The following CEP83 variants were observed in gnomAD, a reference collection of about 807,000 sequenced individuals.
The protein encoded by CEP83 is centrosomal protein of 83 kDa.
In CEP83, 70 loss-of-function variants were observed where a neutral mutation model predicts 101.9. That is an observed-to-expected ratio of 0.69 (90% confidence interval 0.57 to 0.84). The LOEUF is 0.84. Ranked by LOEUF, CEP83 falls within the 40% of genes least tolerant of loss-of-function variation. The pLI is 0.00. For missense variants in CEP83, 715 were observed against 787.2 expected (o/e 0.91, Z 1.10); for synonymous variants, 264 against 267.9 (o/e 0.99, Z 0.14).
At chr12:94,277,693 C>T in the CEP83 span, 2 of 333,100 alleles carry the variant, frequency 6.0e-6, no homozygotes, top group Non-Finnish European at 1.2e-5. Context: ...ATGGAGTGGG[C>T]GTCCTAGCTG....
At chr12:94,428,790 T>C (rs990140168) in intron 2 of CEP83, among the ~76,000 whole-genome samples, 1 of 152,170 alleles carries the variant, frequency 6.6e-6, no homozygotes, top group Non-Finnish European at 1.5e-5. Context: ...TAAAAGGGTT[T>C]TGAGAGATAT....
rs140103403 is a variant in CEP83 at position 94,321,842 on chromosome 12, G to A, written c.1708-8825C>T. 4.1e-3 allele frequency among the ~76,000 whole-genome samples: 624 copies of A among 152,188 alleles called. 2 individuals are homozygous for A. The highest frequency in any genetic ancestry group is 0.014 in the African/African-American group (577 of 41,520). ...CTGGTGGGGATGGCTGGAGATTCAG[G>A]TTGGGAGGACGTGCTCAGTGAGGAG... On this transcript the variant is annotated intron_variant, in intron 14 of 16. Transcript: ENST00000397809.
intron 6 of CEP83, among the ~76,000 whole-genome samples, chr12:94,395,101 T>C (rs11107526): frequency 0.76 from 114,982 of 151,978 alleles, 44,837 homozygotes; most frequent in East Asian, 0.98. Context: ...TACCATTTGA[T>C]CCAGCAATCC....
At chr12:94,286,377 A>T in the CEP83 span, among the ~76,000 whole-genome samples, 1 of 152,140 alleles carries the variant, frequency 6.6e-6, no homozygotes, top group Admixed American at 6.5e-5. Context: ...TGCTTGGAGA[A>T]AATCATCCCC....
intron 2 of CEP83, among the ~76,000 whole-genome samples, chr12:94,429,043 T>G (rs886418991): frequency 1.3e-5 from 2 of 152,240 alleles, no homozygotes; most frequent in African/African-American, 2.4e-5. Flanking sequence ...AATGGACTAT[T>G]TAAACTTTCT....
rs1437275427 is a variant in CEP83, at chr12:94,413,865, CAT to C, written c.-101-1276_-101-1275del. The stretch of plus-strand genomic sequence containing the variant: ...ACACACACACACACACACACACACA[CAT>C]ACATACATATTTTTTTCCTGATAGA... On this transcript the variant is annotated intron_variant, in intron 2 of 16. Transcript: ENST00000397809. Among the ~76,000 whole-genome samples, 778 of 141,982 alleles carry C rather than the reference CAT, an allele frequency of 5.5e-3. 3 individuals carry two copies. The highest frequency in any genetic ancestry group is 0.019 in the South Asian group (84 of 4,350). The allele number at this position is 141,982 out of a possible 152,430, so 93.1% of individuals were successfully genotyped here.
At chr12:94,415,525 A>T (rs55643569) in intron 2 of CEP83, among the ~76,000 whole-genome samples, 16,904 of 152,036 alleles carry the variant, frequency 0.11, 1,065 homozygotes, top group African/African-American at 0.17. Flanking sequence ...TTAAAACAAG[A>T]TTTTCTTATT....
chr12:94,270,927 G>A, the CEP83 span, among the ~76,000 whole-genome samples: 2 of 152,142 alleles, frequency 1.3e-5, no homozygotes, highest in East Asian at 3.9e-4. Context: ...GGATGGGCAA[G>A]CGCAGCTCAA....
chr12:94,298,259 A>T, the CEP83 span, among the ~76,000 whole-genome samples: 78 of 152,356 alleles, frequency 5.1e-4, no homozygotes, highest in African/African-American at 1.5e-3. Context: ...GGAACAGAGC[A>T]GCATCACTTG....
intron 14 of CEP83, 112 bp downstream of exon 14, chr12:94,331,588 C>T: frequency 1.2e-6 from 1 of 861,266 alleles, no homozygotes; most frequent in South Asian, 1.6e-5. Context: ...CCAGGATGGT[C>T]TCAATGATCT....
At chr12:94,444,400 G>A (rs938165015) in intron 1 of CEP83, among the ~76,000 whole-genome samples, 3 of 151,742 alleles carry the variant, frequency 2.0e-5, no homozygotes, top group Admixed American at 6.6e-5. Flanking sequence ...CTCCAACTCC[G>A]AAAAGAAAAG....
downstream of CEP83, among the ~76,000 whole-genome samples, chr12:94,302,810 AT>A (rs1189312487): frequency 6.6e-6 from 1 of 152,186 alleles, no homozygotes; most frequent in African/African-American, 2.4e-5. Context: ...TTGCAACTAG[AT>A]TGTAAGCTTC....
chr12:94,395,386 A>G (rs556651083), intron 6 of CEP83, among the ~76,000 whole-genome samples: 21 of 151,756 alleles, frequency 1.4e-4, no homozygotes, highest in Middle Eastern at 3.4e-3. Context: ...AAAAATAATC[A>G]CTATTATGAT....
At chr12:94,368,228 AC>A (rs2061118852) in intron 9 of CEP83, 27 bp from the exon 10 acceptor site, 5 of 1,573,548 alleles carry the variant, frequency 3.2e-6, no homozygotes, top group Non-Finnish European at 4.3e-6. Context: ...AGAAAAGTGT[AC>A]TATATTCAAT....
At chr12:94,371,931 C>T (rs568157623) in intron 8 of CEP83, among the ~76,000 whole-genome samples, 6 of 152,114 alleles carry the variant, frequency 3.9e-5, no homozygotes, top group African/African-American at 7.2e-5. Flanking sequence ...TTTAAATGAC[C>T]GTACATAAAA....
chr12:94,275,399 G>A, the CEP83 span, among the ~76,000 whole-genome samples: 2 of 152,218 alleles, frequency 1.3e-5, no homozygotes, highest in Admixed American at 6.5e-5. Context: ...CCCCGATGGG[G>A]TACAGTGGCT....
At chr12:94,409,725 TG>T (rs921896424) in intron 4 of CEP83, among the ~76,000 whole-genome samples, 2 of 152,186 alleles carry the variant, frequency 1.3e-5, no homozygotes, top group African/African-American at 2.4e-5. Context: ...TGACAGGCCT[TG>T]CTCCCCCTAA....
chr12:94,313,072 A>C, intron 14 of CEP83, 55 bp from the exon 15 acceptor site: 3 of 751,890 alleles, frequency 4.0e-6, no homozygotes, highest in Non-Finnish European at 6.4e-6. Flanking sequence ...ATTTGAACAA[A>C]ACTATATAGA....
chr12:94,370,072 A>G, intron 8 of CEP83, 36 bp from the exon 9 acceptor site: 1 of 1,241,276 alleles, frequency 8.1e-7, no homozygotes, highest in Non-Finnish European at 1.2e-6. Flanking sequence ...ACTATTGGTC[A>G]TTTTCTTGCC....
Sources: gnomAD v4.1 joint callset for allele counts (sites outside exome capture counted in the v4.1 genomes callset) on GRCh38, gnomAD v4.1.1 for gene constraint, MANE v1.5 for transcripts, NCBI Gene and HGNC (gene_info 2026-07-23, HGNC 2026-07-21) for gene names.